The following GPR158 variants were observed in gnomAD, a reference collection of about 807,000 sequenced individuals.
The protein encoded by GPR158 is G protein-coupled receptor 158.
GPR158 carries 30 observed loss-of-function variants against 78.2 expected under a neutral mutation model. The observed-to-expected ratio is 0.38, with a 90% confidence interval of 0.29 to 0.52. The LOEUF is 0.52. GPR158 is among the 20% of genes least tolerant of loss of function. The pLI is 0.83. For missense variants in GPR158, 1,463 were observed against 1,523.5 expected (o/e 0.96, Z 0.66); for synonymous variants, 581 against 591.1 (o/e 0.98, Z 0.25).
intron 4 of GPR158, among the ~76,000 whole-genome samples, chr10:25,435,433 G>T (rs774614889): frequency 5.3e-5 from 8 of 152,020 alleles, no homozygotes; most frequent in Non-Finnish European, 1.2e-4. Flanking sequence ...GTGGGGATGG[G>T]GGGAAGAATA....
chr10:25,273,645 A>G (rs1854146035), intron 2 of GPR158, among the ~76,000 whole-genome samples: 1 of 151,894 alleles, frequency 6.6e-6, no homozygotes, highest in Admixed American at 6.6e-5. Flanking sequence ...CCTTTTCTAT[A>G]ACTTCTTTAT....
intron 1 of GPR158, among the ~76,000 whole-genome samples, chr10:25,196,550 T>TA (rs1021506481): frequency 6.6e-6 from 1 of 152,248 alleles, no homozygotes; most frequent in Non-Finnish European, 1.5e-5. Context: ...GGTTAAATTG[T>TA]AAAGTTAGGT....
chr10:25,292,217 T>TTAAG (rs1854449504), intron 2 of GPR158, among the ~76,000 whole-genome samples: 1 of 152,050 alleles, frequency 6.6e-6, no homozygotes, highest in African/African-American at 2.4e-5. Flanking sequence ...AAAAAGGCAC[T>TTAAG]TAAGTAAAAA....
intron 2 of GPR158, among the ~76,000 whole-genome samples, chr10:25,371,524 C>G (rs1316883892): frequency 1.3e-5 from 2 of 150,966 alleles, no homozygotes; most frequent in Non-Finnish European, 3.0e-5. Flanking sequence ...ATCAATGGAA[C>G]AGAACAGAGC....
At chr10:25,363,196 T>C (rs1480996281) in intron 2 of GPR158, among the ~76,000 whole-genome samples, 1 of 151,970 alleles carries the variant, frequency 6.6e-6, no homozygotes, top group East Asian at 1.9e-4. Flanking sequence ...TGCAGTGATG[T>C]GGCTGGTTTT....
intron 6 of GPR158, among the ~76,000 whole-genome samples, chr10:25,569,848 G>A (rs1055684295): frequency 2.0e-5 from 3 of 152,136 alleles, no homozygotes; most frequent in African/African-American, 7.2e-5. Context: ...TAGTTAAATT[G>A]TAAGTTTCTA....
chr10:25,446,598 C>G (rs1835141207), intron 4 of GPR158, among the ~76,000 whole-genome samples: 1 of 152,088 alleles, frequency 6.6e-6, no homozygotes, highest in South Asian at 2.1e-4. Flanking sequence ...GGCATATGGT[C>G]CATTTGTGTT....
intron 2 of GPR158, among the ~76,000 whole-genome samples, chr10:25,310,927 A>G (rs1403018109): frequency 1.3e-5 from 2 of 151,950 alleles, no homozygotes; most frequent in South Asian, 2.1e-4. Flanking sequence ...TTCCTCAAAT[A>G]TCTATCCAGG....
At chr10:25,307,654 C>T (rs1854699814) in intron 2 of GPR158, among the ~76,000 whole-genome samples, 2 of 152,112 alleles carry the variant, frequency 1.3e-5, no homozygotes, top group African/African-American at 4.8e-5. Flanking sequence ...GGATTACAGG[C>T]ATGAGCCACC....
At chr10:25,588,835 T>G (rs772460818) in intron 7 of GPR158, among the ~76,000 whole-genome samples, 172 bp from the exon 8 acceptor site, 1 of 152,210 alleles carries the variant, frequency 6.6e-6, no homozygotes, top group Non-Finnish European at 1.5e-5. Context: ...AAATATTCCA[T>G]AAACTGAATG....
intron 2 of GPR158, among the ~76,000 whole-genome samples, chr10:25,328,403 A>G (rs2130488359): frequency 6.6e-6 from 1 of 152,284 alleles, no homozygotes; most frequent in South Asian, 2.1e-4. Flanking sequence ...ACATAAATAT[A>G]TGTACTAATA....
intron 2 of GPR158, among the ~76,000 whole-genome samples, chr10:25,241,280 C>CTTTCCTTTCTTTTCTTTTCTTTTCT (rs59929117): frequency 3.7e-4 from 9 of 24,622 alleles, no homozygotes; most frequent in African/African-American, 1.3e-3. Context: ...TCCTTTCTTT[C>CTTTCCTTTCTTTTCTTTTCTTTTCT]TTTCTTTTCT....
intron 2 of GPR158, among the ~76,000 whole-genome samples, chr10:25,248,744 A>G (rs1459805287): frequency 1.3e-5 from 2 of 150,578 alleles, no homozygotes; most frequent in Non-Finnish European, 3.0e-5. Flanking sequence ...GAAGTCAGGT[A>G]GTGTGATGCC....
rs1203579270 is a variant in GPR158, at chr10:25,530,992, A to C, written c.1405-19984A>C. Among the ~76,000 whole-genome samples, 4 of 152,206 alleles carry C rather than the reference A, an allele frequency of 2.6e-5. No individual in the cohort carries two copies. The East Asian group carries it at 7.7e-4, about 29-fold the overall frequency. Reference sequence around the variant, plus strand: ...TCCTTCAGGAGCTTATTCTGTCCTAAGTGGCTTTCAGAGTCATCACTCTAA... The same window carrying C: ...TCCTTCAGGAGCTTATTCTGTCCTACGTGGCTTTCAGAGTCATCACTCTAA... On this transcript the variant is annotated intron_variant, in intron 5 of 10. Transcript: ENST00000376351.
At chr10:25,241,155 T>TA (rs1853603223) in intron 2 of GPR158, among the ~76,000 whole-genome samples, 2 of 121,174 alleles carry the variant, frequency 1.7e-5, no homozygotes, top group Admixed American at 1.7e-4. Context: ...CTTTCTTTCT[T>TA]TCTTTCTTTC....
chr10:25,448,125 C>T (rs1400849631), intron 4 of GPR158, among the ~76,000 whole-genome samples: 2 of 148,428 alleles, frequency 1.3e-5, no homozygotes, highest in Non-Finnish European at 3.0e-5. Context: ...CGTTCTGTCA[C>T]CCAGGCTGGA....
intron 4 of GPR158, among the ~76,000 whole-genome samples, chr10:25,426,560 G>A (rs1054065980): frequency 2.0e-5 from 3 of 152,048 alleles, no homozygotes; most frequent in Non-Finnish European, 4.4e-5. Flanking sequence ...AGGGAATAGG[G>A]CCCAAGGATG....
At chr10:25,195,316 A>G (rs1013269841) in intron 1 of GPR158, among the ~76,000 whole-genome samples, 44 of 151,796 alleles carry the variant, frequency 2.9e-4, no homozygotes, top group African/African-American at 9.7e-4. Context: ...AGCAAGTCTC[A>G]TGCCTCAGCC....
At chr10:25,456,409 G>A (rs1021742355) in intron 4 of GPR158, among the ~76,000 whole-genome samples, 1 of 152,148 alleles carries the variant, frequency 6.6e-6, no homozygotes, top group African/African-American at 2.4e-5. Context: ...ACACTTCCAA[G>A]CATACTACAG....
Sources: allele counts gnomAD v4.1 joint callset (sites outside exome capture counted in the v4.1 genomes callset), GRCh38; gene constraint gnomAD v4.1.1; transcripts MANE v1.5; gene names NCBI Gene and HGNC (gene_info 2026-07-23, HGNC 2026-07-21).